The following ULK4 variants were observed in gnomAD, a reference collection of about 807,000 sequenced individuals.
ULK4 encodes the protein unc-51 like kinase 4, also known as inactive serine/threonine-protein kinase ULK4.
ULK4 carries 133 observed loss-of-function variants against 160.6 expected under a neutral mutation model. That is an observed-to-expected ratio of 0.83 (90% CI 0.72 to 0.96). The LOEUF (loss-of-function observed/expected upper bound fraction) is 0.96, where lower values mean the gene tolerates loss of function less well. Among genes scored for constraint, ULK4 ranks in the 40% least tolerant of loss-of-function variants. The pLI is 0.00. For missense variants in ULK4, 1,580 were observed against 1,499.5 expected, an observed-to-expected ratio of 1.05 and a Z score of -0.89; for synonymous variants, 534 against 539.8, an observed-to-expected ratio of 0.99 and a Z score of 0.15.
rs551471606 is a variant in ULK4 at position 41,949,874 on chromosome 3, G to A, written c.138+4748C>T. Among the ~76,000 whole-genome samples, 42 of 150,792 alleles carry A rather than the reference G, an allele frequency of 2.8e-4. No individual in the cohort carries two copies. The South Asian group carries it at 4.6e-3, about 17-fold the overall frequency. On this transcript the variant is annotated intron_variant, in intron 2 of 36. Coordinates refer to ENST00000301831, the MANE Select transcript of ULK4 (RefSeq NM_017886.4). ...GTCTCAACCTCCCAAGTAGCTGAGA[G>A]TAAAGCACACACCACTATGCCTGGC...
chr3:41,340,610 T>A (rs534509852), intron 35 of ULK4, among the ~76,000 whole-genome samples: 1 of 152,322 alleles, frequency 6.6e-6, no homozygotes, highest in Non-Finnish European at 1.5e-5. Flanking sequence ...TAAAATCCAG[T>A]TCCTCAACAG....
intron 18 of ULK4, among the ~76,000 whole-genome samples, chr3:41,819,907 GTAA>G (rs1330042837): frequency 6.6e-6 from 1 of 152,132 alleles, no homozygotes; most frequent in African/African-American, 2.4e-5. Flanking sequence ...ACAAGTTTGA[GTAA>G]TATCTCAGGA....
chr3:41,565,632 C>A (rs1414548100), intron 32 of ULK4, among the ~76,000 whole-genome samples: 1 of 152,194 alleles, frequency 6.6e-6, no homozygotes, highest in Non-Finnish European at 1.5e-5. Context: ...TGATGGACCT[C>A]ACCACATGCA....
At chr3:41,706,923 C>A (rs1424779315) in intron 25 of ULK4, among the ~76,000 whole-genome samples, 5 of 128,944 alleles carry the variant, frequency 3.9e-5, no homozygotes, top group African/African-American at 1.2e-4. Flanking sequence ...AGAATAGAAT[C>A]TATGTAACAT....
At chr3:41,919,948 G>A (rs1699128646) in intron 5 of ULK4, 130 bp from the exon 6 acceptor site, 2 of 516,994 alleles carry the variant, frequency 3.9e-6, no homozygotes, top group East Asian at 2.8e-5. Flanking sequence ...AACTTCATGT[G>A]CATTTCACAT....
chr3:41,567,015 C>T (rs2087804873), intron 31 of ULK4, among the ~76,000 whole-genome samples: 1 of 152,168 alleles, frequency 6.6e-6, no homozygotes, highest in East Asian at 1.9e-4. Context: ...GCTTGCCCTG[C>T]TCTACGTCCT....
At chr3:41,763,239 C>T (rs1369535228) in intron 21 of ULK4, among the ~76,000 whole-genome samples, 2 of 151,936 alleles carry the variant, frequency 1.3e-5, no homozygotes, top group South Asian at 2.1e-4. Context: ...AATAAAAATA[C>T]ACGAATTAAA....
intron 21 of ULK4, among the ~76,000 whole-genome samples, chr3:41,772,673 C>A (rs2039437488): frequency 6.6e-6 from 1 of 152,162 alleles, no homozygotes; most frequent in Non-Finnish European, 1.5e-5. Flanking sequence ...CCTTCTGAAA[C>A]TATTCCAATC....
At chr3:41,291,954 C>G (rs1316804128) in intron 35 of ULK4, among the ~76,000 whole-genome samples, 5 of 151,914 alleles carry the variant, frequency 3.3e-5, no homozygotes, top group Non-Finnish European at 5.9e-5. Context: ...CCTCAGCCTT[C>G]CGAGTAGCTG....
chr3:41,300,836 ATTATATATATAT>A lies in ULK4; in HGVS notation c.3679-51274_3679-51263del, dbSNP rs1202487019. On this transcript the variant is annotated intron_variant, in intron 35 of 36. Coordinates refer to ENST00000301831, the MANE Select transcript of ULK4 (RefSeq NM_017886.4). ...TGATTAAATTTTGATCATTTTACAG[ATTATATATATAT>A]ATATATATATATATATATATATATA... 5.2e-3 allele frequency among the ~76,000 whole-genome samples: 411 copies of A among 79,454 alleles called. 14 individuals carry two copies. Among genetic ancestry groups the A allele is most frequent in the Admixed American group, 7.0e-3 (47 of 6,748 alleles). 52.1% of individuals were successfully genotyped at this position (79,454 alleles called of 152,430 possible). A position where few individuals can be genotyped will look rare whatever the true frequency, so the allele number is the denominator to read the frequency against.
chr3:41,899,862 T>C (rs1287873296), intron 13 of ULK4, among the ~76,000 whole-genome samples: 2 of 152,140 alleles, frequency 1.3e-5, no homozygotes, highest in Non-Finnish European at 2.9e-5. Flanking sequence ...AGCTAAATAA[T>C]CTATATGAAA....
chr3:41,818,556 C>A (rs2041043104), intron 19 of ULK4, among the ~76,000 whole-genome samples: 1 of 152,150 alleles, frequency 6.6e-6, no homozygotes, highest in Admixed American at 6.5e-5. Context: ...TACATCATAT[C>A]CCATAATGAC....
At chr3:41,460,728 G>T (rs1287424896) in intron 33 of ULK4, among the ~76,000 whole-genome samples, 2 of 152,128 alleles carry the variant, frequency 1.3e-5, no homozygotes, top group Non-Finnish European at 2.9e-5. Flanking sequence ...TGCTGTTCAT[G>T]ATACAGTAAC....
At chr3:41,340,181 G>T (rs2080652014) in intron 35 of ULK4, among the ~76,000 whole-genome samples, 1 of 152,118 alleles carries the variant, frequency 6.6e-6, no homozygotes, top group African/African-American at 2.4e-5. Context: ...TGTTTGATTG[G>T]GTTTTTAATG....
chr3:41,748,159 T>C (rs78994594), intron 22 of ULK4, among the ~76,000 whole-genome samples: 1,842 of 140,892 alleles, frequency 0.013, 38 homozygotes, highest in African/African-American at 0.044. Flanking sequence ...TATATATATA[T>C]ACACACACAC....
intron 2 of ULK4, among the ~76,000 whole-genome samples, chr3:41,943,790 T>C (rs535258093): frequency 2.6e-5 from 4 of 152,328 alleles, no homozygotes; most frequent in African/African-American, 9.6e-5. Context: ...CTTGTATACA[T>C]GATCCCAACC....
intron 17 of ULK4, among the ~76,000 whole-genome samples, chr3:41,872,557 G>A (rs1333775640): frequency 1.7e-5 from 2 of 114,884 alleles, no homozygotes; most frequent in Non-Finnish European, 3.3e-5. Context: ...CCAGTTAAAC[G>A]TACAGCTCAG....
At chr3:41,302,098 GCAAA>G (rs902206398) in intron 35 of ULK4, among the ~76,000 whole-genome samples, 6 of 152,112 alleles carry the variant, frequency 3.9e-5, no homozygotes, top group African/African-American at 1.4e-4. Context: ...AGAATGTTTG[GCAAA>G]CAAAGAATTG....
At chr3:41,358,968 C>T (rs1028733339) in intron 35 of ULK4, among the ~76,000 whole-genome samples, 1 of 152,240 alleles carries the variant, frequency 6.6e-6, no homozygotes, top group Admixed American at 6.5e-5. Flanking sequence ...TGATCAGATT[C>T]TTCACATACG....
Sources: gnomAD v4.1 joint callset for allele counts (sites outside exome capture counted in the v4.1 genomes callset) on GRCh38, gnomAD v4.1.1 for gene constraint, MANE v1.5 for transcripts, NCBI Gene and HGNC (gene_info 2026-07-23, HGNC 2026-07-21) for gene names.